Variants in C1S observed in about 807,000 individuals in gnomAD.
The protein encoded by C1S is complement C1s subcomponent.
A neutral mutation model predicts 54.0 loss-of-function variants in C1S; 31 were observed. The ratio of observed to expected loss-of-function variants is 0.57; its 90% confidence interval spans 0.43 to 0.78. The LOEUF (loss-of-function observed/expected upper bound fraction) is 0.78, where lower values mean the gene tolerates loss of function less well. Ranked by LOEUF, C1S falls within the 30% of genes least tolerant of loss-of-function variation. The pLI is 0.00. For missense variants in C1S, 727 were observed against 851.8 expected (o/e 0.85, Z 1.82); for synonymous variants, 292 against 303.6 (o/e 0.96, Z 0.40).
rs782297367 is a variant in C1S at position 7,070,509 on chromosome 12, A to G, written c.1925A>G (p.Asn642Ser). 1.2e-6 allele frequency: 2 copies of G among 1,613,916 alleles called. No homozygotes were observed. Among genetic ancestry groups the G allele is most frequent in the East Asian group, 2.2e-5 (1 of 44,880 alleles). Residue 642 changes from asparagine (N) to serine (S), a missense_variant, in exon 12 of 12, where the codon AAT becomes AGT. Around this residue, in one of 3 missense-constraint regions of C1S, gnomAD observed 360 missense variants for 453.6 expected, o/e 0.79. Coordinates refer to ENST00000360817, the MANE Select transcript of C1S (RefSeq NM_001734.5). The surrounding 1 kb of genome is among the most constrained non-coding windows in gnomAD (Gnocchi z 4.9). ...SGGAFAVQDP[N>S]DKTKFYAAGL... ...GGGGCCTTTGCTGTACAGGATCCCA[A>G]TGACAAGACCAAATTCTACGCAGCT... is the stretch of plus-strand genomic sequence containing the variant.
intron 2 of C1S, 160 bp from the exon 3 acceptor site, chr12:7,062,315 T>C (rs1419068105): frequency 1.5e-6 from 1 of 670,228 alleles, no homozygotes; most frequent in African/African-American, 1.8e-5. Flanking sequence ...TGGGTTTTGG[T>C]TTGACCTGGG....
At position 7,070,919 on chromosome 12, in the gene C1S, A is replaced by G. The variant is rs1937841202; in HGVS notation, c.*268A>G. 7 of 487,892 alleles carry G rather than the reference A, an allele frequency of 1.4e-5. No homozygotes were observed. The highest frequency in any genetic ancestry group is 3.9e-5 in the African/African-American group (2 of 51,610). 30.2% of individuals were successfully genotyped at this position (487,892 alleles called of 1,614,324 possible). A position where few individuals can be genotyped will look rare whatever the true frequency, so the allele number is the denominator to read the frequency against. On this transcript the variant is annotated 3_prime_UTR_variant, in exon 12 of 12. Transcript: ENST00000360817. The surrounding 1 kb of genome is among the most constrained non-coding windows in gnomAD (Gnocchi z 4.9). ...GGGTGGGGCACTCCTTTCTTGCACT[A>G]TTCCACAGGGATACCTTAATTCTTT...
At chr12:7,068,385 G>A (rs1437634179) in intron 10 of C1S, 71 bp from the exon 11 acceptor site, 1 of 1,088,574 alleles carries the variant, frequency 9.2e-7, no homozygotes, top group Non-Finnish European at 1.4e-6. Context: ...CAGGGTGTTG[G>A]GGTCGGAGGG....
At position 7,061,922 on chromosome 12, in the gene C1S, G is replaced by C. The variant is rs1555161328; in HGVS notation, c.5+5G>C. The C allele has an allele frequency of 1.2e-6, 2 of 1,613,822 alleles. No homozygotes were observed. Among genetic ancestry groups the C allele is most frequent in the Non-Finnish European group, 1.7e-6 (2 of 1,179,842 alleles). ...GGACAAATCGCCAGAGATGTGGTAAGTGATCAAGGGTCCCTGAGATGACAC... is the reference window on the plus strand; with the variant it reads ...GGACAAATCGCCAGAGATGTGGTAACTGATCAAGGGTCCCTGAGATGACAC... On this transcript the variant is annotated splice_donor_5th_base_variant and intron_variant, in intron 2 of 11. Transcript: ENST00000360817.
At chr12:7,062,190 G>C in intron 2 of C1S, 1 of 568,776 alleles carries the variant, frequency 1.8e-6, no homozygotes, top group South Asian at 2.0e-5. Context: ...AGAATCACTT[G>C]AGCGCGGGAG....
intron 1 of C1S, among the ~76,000 whole-genome samples, 158 bp downstream of exon 1, chr12:7,061,035 T>C (rs1489393071): frequency 6.6e-6 from 1 of 152,140 alleles, no homozygotes; most frequent in African/African-American, 2.4e-5. Flanking sequence ...GCTCACCCCA[T>C]CCACCCCTAC....
At chr12:7,067,189 T>C (rs1246212946) in intron 9 of C1S, 72 bp downstream of exon 9, 4 of 1,073,976 alleles carry the variant, frequency 3.7e-6, no homozygotes, top group Non-Finnish European at 5.8e-6. Context: ...ACATCAAAAT[T>C]CAAATGCATG....
intron 4 of C1S, chr12:7,064,046 A>ACACACACACC (rs782139525): frequency 6.2e-4 from 373 of 601,710 alleles, no homozygotes; most frequent in Middle Eastern, 1.3e-3. Context: ...ACACACACAC[A>ACACACACACC]CCCCCGAGCT....
At chr12:7,065,384 C>T in intron 6 of C1S, 85 bp downstream of exon 6, 2 of 962,758 alleles carry the variant, frequency 2.1e-6, no homozygotes, top group Non-Finnish European at 3.3e-6. Context: ...CATACAGCAT[C>T]TTTCTCTGTT....
At chr12:7,061,616 C>T (rs781917499) in intron 1 of C1S, 381 of 494,936 alleles carry the variant, frequency 7.7e-4, no homozygotes, top group East Asian at 6.5e-3. Flanking sequence ...AGGAGAAAGT[C>T]TAGAGAAGCA....
Position 7,070,719 on chromosome 12 carries a change from T to G in C1S, c.*68T>G. 8.3e-7 allele frequency: 1 copy of G among 1,208,522 alleles called. No individual in the cohort carries two copies. Among genetic ancestry groups the G allele is most frequent in the Non-Finnish European group, 1.2e-6 (1 of 814,926 alleles). The allele number at this position is 1,208,522 out of a possible 1,614,324, so 74.9% of individuals were successfully genotyped here. ...GCATTACCTTCTGTTCCTTATGATA[T>G]TCTCATTATTTCATCATGACTGAAA... On this transcript the variant is annotated 3_prime_UTR_variant, in exon 12 of 12. Coordinates refer to ENST00000360817, the MANE Select transcript of C1S (RefSeq NM_001734.5). This position sits in a 1 kb window ranked among gnomAD's most constrained non-coding sequence, Gnocchi z 4.9.
At chr12:7,068,338 T>G in intron 10 of C1S, 118 bp from the exon 11 acceptor site, 1 of 774,186 alleles carries the variant, frequency 1.3e-6, no homozygotes. Context: ...ATTTACTACT[T>G]GAATCCTAGA....
chr12:7,066,544 C>T lies in C1S; in HGVS notation c.898C>T (p.Pro300Ser), dbSNP rs1555162263. The T allele has an allele frequency of 1.2e-6, 2 of 1,612,868 alleles. No homozygotes were observed. The highest frequency in any genetic ancestry group is 1.1e-5 in the South Asian group (1 of 91,062). The change falls in exon 8 of 12, where the codon CCC becomes TCC. Residue 300 changes from proline (P) to serine (S), a missense_variant. Pro to Ser is a moderately conservative substitution (Grantham distance 74, BLOSUM62 -1). Transcript: ENST00000360817. The stretch of plus-strand genomic sequence containing the variant: ...AATGCCCTGCCCTAAGGAAGACACT[C>T]CCAATTCTGTTTGGGAGCCTGCGAA... ...DPMPCPKEDT[P>S]NSVWEPAKAK...
At chr12:7,063,456 C>T in intron 4 of C1S, 1 of 437,166 alleles carries the variant, frequency 2.3e-6, no homozygotes, top group Non-Finnish European at 4.7e-6. Context: ...AAGAATCACA[C>T]AAGGAATGTG....
intron 5 of C1S, among the ~76,000 whole-genome samples, chr12:7,064,778 A>G (rs1306322161): frequency 6.6e-6 from 1 of 152,182 alleles, no homozygotes; most frequent in African/African-American, 2.4e-5. Context: ...AGATGAAGCC[A>G]CAAGAAGGAG....
At chr12:7,068,720 C>A in intron 11 of C1S, 190 bp downstream of exon 11, 2 of 596,346 alleles carry the variant, frequency 3.4e-6, no homozygotes, top group East Asian at 5.6e-5. Flanking sequence ...GCACTGAAGC[C>A]AGGCCAACTG....
chr12:7,066,859 C>T (rs951563926), intron 8 of C1S, 180 bp from the exon 9 acceptor site: 15 of 709,442 alleles, frequency 2.1e-5, no homozygotes, highest in African/African-American at 1.6e-4. Flanking sequence ...GGAGTTGACA[C>T]GTTGGGGCAA....
rs12146727 is a variant in C1S at position 7,063,032 on chromosome 12, G to A, written c.356G>A (p.Arg119His). 203,653 of 1,613,484 alleles carry A rather than the reference G, an allele frequency of 0.13. 13,348 individuals carry two copies. Among genetic ancestry groups the A allele is most frequent in the Non-Finnish European group, 0.13 (157,726 of 1,179,666 alleles). ...AAGTCAGACTTTTCCAATGAAGAGC[G>A]TTTTACGGGGTTTGCTGCATACTAT... is the stretch of plus-strand genomic sequence containing the variant. ...IFKSDFSNEE[R>H]FTGFAAYYVA... The change falls in exon 4 of 12, where the codon CGT becomes CAT. Residue 119 changes from arginine (R) to histidine (H), a missense_variant. Physicochemically the swap from Arg to His is conservative, Grantham distance 29 (BLOSUM62 0). Coordinates refer to ENST00000360817, the MANE Select transcript of C1S (RefSeq NM_001734.5).
chr12:7,066,246 TC>T (rs1288499229), intron 7 of C1S: 1 of 609,404 alleles, frequency 1.6e-6, no homozygotes, highest in African/African-American at 1.8e-5. Context: ...CTGAGATACT[TC>T]ACTTCTTCAG....
Sources: allele counts gnomAD v4.1 joint callset (sites outside exome capture counted in the v4.1 genomes callset), GRCh38; gene constraint gnomAD v4.1.1; regional missense constraint gnomAD v4.1.1; non-coding constraint Gnocchi (gnomAD v3.1); transcripts MANE v1.5; gene names NCBI Gene and HGNC (gene_info 2026-07-23, HGNC 2026-07-21).